KIF9: variants seen among roughly 807,000 people sequenced by gnomAD.
The protein encoded by KIF9 is kinesin family member 9, also known as kinesin-like protein KIF9.
Under a neutral mutation model 94.8 loss-of-function variants are expected in KIF9, and 68 were observed. The observed-to-expected ratio is 0.72, with a 90% CI of 0.59 to 0.88. The LOEUF is 0.88. Ranked by LOEUF, KIF9 falls within the 40% of genes least tolerant of loss-of-function variation. KIF9 has a pLI of 0.00. For missense variants in KIF9, 882 were observed against 982.5 expected (o/e 0.90, Z 1.37); for synonymous variants, 343 against 362.1 (o/e 0.95, Z 0.60).
intron 5 of KIF9, among the ~76,000 whole-genome samples, chr3:47,267,772 A>T (rs1264290083): frequency 2.0e-5 from 3 of 151,864 alleles, no homozygotes; most frequent in Admixed American, 6.6e-5. Flanking sequence ...TGGGGTTTAT[A>T]GGTTATTTTA....
At chr3:47,266,045 G>T in intron 7 of KIF9, 168 bp from the exon 8 acceptor site, 1 of 628,498 alleles carries the variant, frequency 1.6e-6, no homozygotes, top group Non-Finnish European at 2.7e-6. Flanking sequence ...TCCATCTTGG[G>T]CTAATAATGG....
At chr3:47,248,148 C>A in intron 10 of KIF9, 62 bp from the exon 11 acceptor site, 2 of 1,211,852 alleles carry the variant, frequency 1.7e-6, no homozygotes, top group South Asian at 1.3e-5. Context: ...GCTACCCTGT[C>A]TCTTCCACAG....
At chr3:47,232,008 T>A (rs1008111314) in intron 20 of KIF9, 1 of 152,192 alleles carries the variant, frequency 6.6e-6, no homozygotes, top group Non-Finnish European at 1.5e-5. Flanking sequence ...AAAATTCATA[T>A]GTTGAAAGCT....
chr3:47,256,094 T>C (rs1183744085), intron 10 of KIF9, among the ~76,000 whole-genome samples: 1 of 152,220 alleles, frequency 6.6e-6, no homozygotes, highest in East Asian at 1.9e-4. Context: ...TGCAGTGGCG[T>C]GATCTCGGCT....
intron 7 of KIF9, among the ~76,000 whole-genome samples, chr3:47,266,341 A>C (rs531805155): frequency 6.6e-6 from 1 of 152,246 alleles, no homozygotes; most frequent in South Asian, 2.1e-4. Flanking sequence ...TCATACGAAT[A>C]CTCATATTCA....
At chr3:47,278,248 A>T (rs1559473436) in intron 1 of KIF9, among the ~76,000 whole-genome samples, 1 of 150,712 alleles carries the variant, frequency 6.6e-6, no homozygotes, top group East Asian at 1.9e-4. Flanking sequence ...GTTTTCTTAC[A>T]TTTTTTTTGC....
chr3:47,277,094 A>G, intron 2 of KIF9, 188 bp downstream of exon 2: 1 of 410,602 alleles, frequency 2.4e-6, no homozygotes, highest in Non-Finnish European at 4.4e-6. Context: ...ACAATTAACG[A>G]TGGGATTTTA....
At chr3:47,240,001 C>T (rs1414266372) in intron 17 of KIF9, 9 of 1,254,616 alleles carry the variant, frequency 7.2e-6, no homozygotes, top group Non-Finnish European at 9.6e-6. Flanking sequence ...AATGGTCACT[C>T]ACTAAAATGC....
intron 20 of KIF9, chr3:47,231,676 C>T (rs987916996): frequency 6.6e-6 from 1 of 152,230 alleles, no homozygotes; most frequent in African/African-American, 2.4e-5. Context: ...CCGCCTCAGC[C>T]TCCCAAAGTA....
intron 2 of KIF9, among the ~76,000 whole-genome samples, chr3:47,275,697 G>T (rs531162523): frequency 1.3e-5 from 2 of 152,334 alleles, no homozygotes; most frequent in South Asian, 4.1e-4. Flanking sequence ...AAGATCAGGA[G>T]AGTGGAGCAC....
intron 1 of KIF9, 40 bp from the exon 2 acceptor site, chr3:47,277,419 T>G (rs918529731): frequency 2.2e-6 from 3 of 1,371,242 alleles, no homozygotes; most frequent in African/African-American, 2.9e-5. Context: ...GTAGTCATTA[T>G]CAAATAACAA....
chr3:47,232,123 G>A (rs1698633453), intron 20 of KIF9, among the ~76,000 whole-genome samples: 1 of 152,144 alleles, frequency 6.6e-6, no homozygotes, highest in South Asian at 2.1e-4. Flanking sequence ...AGGGGCCTGA[G>A]GGAGCTCGTT....
chr3:47,260,693 C>T (rs1345169010), intron 9 of KIF9, among the ~76,000 whole-genome samples: 1 of 152,192 alleles, frequency 6.6e-6, no homozygotes, highest in Non-Finnish European at 1.5e-5. Context: ...CACCCATGGC[C>T]ACAGAGCTGG....
chr3:47,241,264 CAAT>C (rs1345242476), intron 16 of KIF9, among the ~76,000 whole-genome samples: 2 of 151,144 alleles, frequency 1.3e-5, no homozygotes, highest in South Asian at 2.1e-4. Context: ...AAACAAACAA[CAAT>C]AAGAAAAGAA....
chr3:47,263,965 T>G (rs1701135247), intron 9 of KIF9: 1 of 497,450 alleles, frequency 2.0e-6, no homozygotes, highest in East Asian at 5.6e-5. Context: ...CGATCCTTCT[T>G]GATCCCAATT....
chr3:47,244,770 C>T, intron 15 of KIF9, 21 bp downstream of exon 15: 1 of 1,612,540 alleles, frequency 6.2e-7, no homozygotes, highest in Non-Finnish European at 8.5e-7. Flanking sequence ...GCTGAGGAGG[C>T]AGAGCGGCAA....
chr3:47,266,829 C>T (rs771343023), intron 7 of KIF9, 147 bp downstream of exon 7: 1 of 677,378 alleles, frequency 1.5e-6, no homozygotes, highest in Admixed American at 2.6e-5. Context: ...AAATCCTGTC[C>T]CTCCAGCAAG....
intron 2 of KIF9, among the ~76,000 whole-genome samples, chr3:47,275,742 C>T (rs990030407): frequency 3.9e-5 from 6 of 152,164 alleles, no homozygotes; most frequent in Non-Finnish European, 7.3e-5. Context: ...CTAGTTCACA[C>T]GGTGCTGTCT....
At chr3:47,245,590 T>G (rs1699869959) in intron 13 of KIF9, 79 bp from the exon 14 acceptor site, 2 of 1,054,422 alleles carry the variant, frequency 1.9e-6, no homozygotes, top group Non-Finnish European at 3.0e-6. Context: ...GTACTGGGGT[T>G]AAAAGTCATA....
Sources: allele counts gnomAD v4.1 joint callset (sites outside exome capture counted in the v4.1 genomes callset), GRCh38; gene constraint gnomAD v4.1.1; transcripts MANE v1.5; gene names NCBI Gene and HGNC (gene_info 2026-07-23, HGNC 2026-07-21).